Variants in ZNF385B observed in about 807,000 individuals in gnomAD.
ZNF385B encodes the protein zinc finger protein 385B, also known as zinc finger protein 533.
In ZNF385B, 23 loss-of-function variants were observed where a neutral mutation model predicts 39.2. The ratio of observed to expected loss-of-function variants is 0.59; its 90% CI spans 0.42 to 0.83. ZNF385B has a LOEUF of 0.83. Among genes scored for constraint, ZNF385B ranks in the 40% least tolerant of loss-of-function variants. The probability of loss-of-function intolerance (pLI) is 0.00; values close to 1 mark genes in which losing one functional copy is unlikely to be tolerated. For missense variants in ZNF385B, 552 were observed against 598.9 expected, an observed-to-expected ratio of 0.92 and a Z score of 0.82; for synonymous variants, 205 against 222.6, an observed-to-expected ratio of 0.92 and a Z score of 0.70.
intron 3 of ZNF385B, among the ~76,000 whole-genome samples, chr2:179,666,618 A>C (rs1695190923): frequency 6.6e-6 from 1 of 152,220 alleles, no homozygotes; most frequent in South Asian, 2.1e-4. Flanking sequence ...TTAATGAAGA[A>C]ACTGACACCA....
intron 1 of ZNF385B, among the ~76,000 whole-genome samples, chr2:179,832,806 C>T (rs889201531): frequency 6.6e-5 from 10 of 152,178 alleles, no homozygotes; most frequent in African/African-American, 2.2e-4. Flanking sequence ...TAACCGAATA[C>T]ACATTATGCA....
chr2:179,637,898 G>T (rs1691904208), intron 3 of ZNF385B, among the ~76,000 whole-genome samples: 1 of 152,162 alleles, frequency 6.6e-6, no homozygotes, highest in African/African-American at 2.4e-5. Context: ...AAATATTTAT[G>T]CTTTCTCTTT....
chr2:179,488,238 G>C (rs1274200735), intron 5 of ZNF385B, among the ~76,000 whole-genome samples: 2 of 151,928 alleles, frequency 1.3e-5, no homozygotes, highest in Non-Finnish European at 1.5e-5. Context: ...TCCACCTCCC[G>C]GGTTCAAGTG....
At chr2:179,565,739 C>A (rs1352933670) in intron 3 of ZNF385B, among the ~76,000 whole-genome samples, 1 of 152,186 alleles carries the variant, frequency 6.6e-6, no homozygotes, top group Non-Finnish European at 1.5e-5. Context: ...CTTTTAAATT[C>A]TCTCGATTTT....
intron 3 of ZNF385B, among the ~76,000 whole-genome samples, chr2:179,708,284 C>T (rs1175212672): frequency 6.6e-6 from 1 of 152,198 alleles, no homozygotes; most frequent in East Asian, 1.9e-4. Flanking sequence ...TTCACATGCT[C>T]TCCTCTCTCC....
At chr2:179,627,789 G>GT (rs1690801006) in intron 3 of ZNF385B, among the ~76,000 whole-genome samples, 1 of 148,362 alleles carries the variant, frequency 6.7e-6, no homozygotes, top group Non-Finnish European at 1.5e-5. Flanking sequence ...TCAAAATTGG[G>GT]TGTTTCTATT....
chr2:179,526,800 T>C (rs113996858), intron 4 of ZNF385B, among the ~76,000 whole-genome samples: 145 of 152,288 alleles, frequency 9.5e-4, no homozygotes, highest in African/African-American at 3.4e-3. Context: ...ATGAATGGCA[T>C]GTCACTCTCT....
intron 1 of ZNF385B, among the ~76,000 whole-genome samples, chr2:179,789,862 G>C (rs1050946438): frequency 1.3e-5 from 2 of 151,968 alleles, no homozygotes; most frequent in African/African-American, 4.8e-5. Context: ...GAAATATAAG[G>C]AAATAAATAT....
chr2:179,750,315 T>A (rs936635732), intron 3 of ZNF385B, among the ~76,000 whole-genome samples: 4 of 152,076 alleles, frequency 2.6e-5, no homozygotes, highest in African/African-American at 9.7e-5. Flanking sequence ...TCAGTCTCAA[T>A]TAAATTTATC....
intron 3 of ZNF385B, among the ~76,000 whole-genome samples, chr2:179,709,508 C>T (rs1699848081): frequency 6.6e-6 from 1 of 151,314 alleles, no homozygotes. Flanking sequence ...CATGAGGATG[C>T]CCACACTGCA....
intron 3 of ZNF385B, among the ~76,000 whole-genome samples, chr2:179,625,579 T>C (rs1292691353): frequency 1.3e-5 from 2 of 152,114 alleles, no homozygotes; most frequent in Non-Finnish European, 2.9e-5. Flanking sequence ...CCATTTTCAC[T>C]ATTAACAATA....
At chr2:179,472,432 G>A (rs2052874820) in intron 6 of ZNF385B, among the ~76,000 whole-genome samples, 1 of 152,196 alleles carries the variant, frequency 6.6e-6, no homozygotes, top group African/African-American at 2.4e-5. Context: ...TATTTTTAAT[G>A]TGGATATGGC....
chr2:179,508,316 G>A (rs1475213879), intron 5 of ZNF385B, among the ~76,000 whole-genome samples: 1 of 152,152 alleles, frequency 6.6e-6, no homozygotes, highest in Non-Finnish European at 1.5e-5. Context: ...ATTTTCAGCT[G>A]AAGAATCCCA....
At chr2:179,556,810 A>G (rs1041550336) in intron 3 of ZNF385B, among the ~76,000 whole-genome samples, 3 of 149,064 alleles carry the variant, frequency 2.0e-5, no homozygotes, top group African/African-American at 2.5e-5. Context: ...TAGGAGGTGA[A>G]TAGGGGAGAC....
At chr2:179,508,758 C>T (rs1370433529) in intron 5 of ZNF385B, among the ~76,000 whole-genome samples, 1 of 152,010 alleles carries the variant, frequency 6.6e-6, no homozygotes, top group African/African-American at 2.4e-5. Context: ...TTCTTTTTTT[C>T]ATAACATCAT....
At chr2:179,712,269 C>T (rs1700054368) in intron 3 of ZNF385B, among the ~76,000 whole-genome samples, 1 of 152,142 alleles carries the variant, frequency 6.6e-6, no homozygotes, top group South Asian at 2.1e-4. Context: ...AGTAAACTTT[C>T]TACATTTTCT....
intron 3 of ZNF385B, among the ~76,000 whole-genome samples, chr2:179,569,489 G>A (rs879581921): frequency 1.1e-4 from 17 of 152,164 alleles, no homozygotes; most frequent in Non-Finnish European, 2.4e-4. Flanking sequence ...AAATCTCACG[G>A]TGCCTTTAAT....
chr2:179,562,037 G>T (rs16866778), intron 3 of ZNF385B, among the ~76,000 whole-genome samples: 12,673 of 152,156 alleles, frequency 0.083, 847 homozygotes, highest in East Asian at 0.34. Flanking sequence ...AAGATAAAAA[G>T]GAGAGAGAGT....
chr2:179,706,185 G>C (rs1377764308), intron 3 of ZNF385B, among the ~76,000 whole-genome samples: 1 of 152,192 alleles, frequency 6.6e-6, no homozygotes, highest in Non-Finnish European at 1.5e-5. Context: ...TCTGTACAAG[G>C]GATCAAGTCC....
Sources: gnomAD v4.1 joint callset for allele counts (sites outside exome capture counted in the v4.1 genomes callset) on GRCh38, gnomAD v4.1.1 for gene constraint, MANE v1.5 for transcripts, NCBI Gene and HGNC (gene_info 2026-07-23, HGNC 2026-07-21) for gene names.